NAALADL2: variants seen among roughly 807,000 people sequenced by gnomAD.
The protein encoded by NAALADL2 is N-acetylated alpha-linked acidic dipeptidase like 2.
In NAALADL2, 76 loss-of-function variants were observed where a neutral mutation model predicts 87.2. That is an observed-to-expected ratio of 0.87 (90% CI 0.72 to 1.05). NAALADL2 has a LOEUF of 1.05. Among genes scored for constraint, NAALADL2 ranks in the 50% least tolerant of loss-of-function variants. The pLI is 0.00. For synonymous variants in NAALADL2, 354 were observed against 331.0 expected, an observed-to-expected ratio of 1.07 and a Z score of -0.75; for missense variants, 1,089 against 945.8, an observed-to-expected ratio of 1.15 and a Z score of -1.99.
chr3:175,488,592 TCACA>T (rs1727634887), intron 9 of NAALADL2, among the ~76,000 whole-genome samples: 2 of 152,196 alleles, frequency 1.3e-5, no homozygotes, highest in Admixed American at 1.3e-4. Context: ...TTTTCCCCCC[TCACA>T]TGTTCTAATT....
At chr3:175,613,668 C>T (rs79550264) in intron 10 of NAALADL2, among the ~76,000 whole-genome samples, 321 of 152,222 alleles carry the variant, frequency 2.1e-3, no homozygotes, top group African/African-American at 7.6e-3. Flanking sequence ...TGGTTAAGAG[C>T]ACAGATAATG....
At chr3:175,356,248 T>C (rs1280844927) in intron 5 of NAALADL2, among the ~76,000 whole-genome samples, 1 of 151,956 alleles carries the variant, frequency 6.6e-6, no homozygotes, top group African/African-American at 2.4e-5. Context: ...TGATAGATAG[T>C]AGAATTTTAA....
At chr3:174,674,841 T>C (rs1049413603) in intron 2 of NAALADL2, among the ~76,000 whole-genome samples, 2 of 152,120 alleles carry the variant, frequency 1.3e-5, no homozygotes, top group Non-Finnish European at 1.5e-5. Context: ...TATTTAGGCT[T>C]ATAACTGACT....
chr3:174,816,240 TTCTC>T (rs1230674396), intron 3 of NAALADL2, among the ~76,000 whole-genome samples: 1 of 151,800 alleles, frequency 6.6e-6, no homozygotes, highest in East Asian at 1.9e-4. Flanking sequence ...CTCCTCTGCC[TTCTC>T]TCTCTTTTAT....
At chr3:174,750,401 T>C (rs1734704114) in intron 3 of NAALADL2, among the ~76,000 whole-genome samples, 1 of 142,402 alleles carries the variant, frequency 7.0e-6, no homozygotes, top group Non-Finnish European at 1.5e-5. Flanking sequence ...TTCATTTCCA[T>C]TCTTCTTCTT....
At chr3:175,425,493 T>A (rs188674332) in intron 5 of NAALADL2, among the ~76,000 whole-genome samples, 4 of 152,140 alleles carry the variant, frequency 2.6e-5, no homozygotes, top group Admixed American at 2.0e-4. Context: ...AAATAATAGG[T>A]TTACCCAGGA....
chr3:175,734,592 C>T (rs1744247537), intron 11 of NAALADL2, among the ~76,000 whole-genome samples: 1 of 152,074 alleles, frequency 6.6e-6, no homozygotes, highest in East Asian at 1.9e-4. Flanking sequence ...GGCAGAGGTT[C>T]CAAACCACAA....
chr3:174,489,203 C>CT lies in NAALADL2; in HGVS notation c.-184+48176dup, dbSNP rs377442388. On this transcript the variant is annotated intron_variant, in intron 1 of 3. Coordinates refer to the NAALADL2 transcript ENST00000434257. The stretch of plus-strand genomic sequence containing the variant: ...TTAAACTCAGATTTATGGTGAGTTG[C>CT]TTTTTGACAATGGTGCCAAAACAAT... Among the ~76,000 whole-genome samples the CT allele has an allele frequency of 1.8e-3, 267 of 152,074 alleles. 1 individual carries two copies. The highest frequency in any genetic ancestry group is 6.2e-3 in the African/African-American group (259 of 41,522).
intron 10 of NAALADL2, among the ~76,000 whole-genome samples, chr3:175,599,094 A>G (rs1340897901): frequency 2.0e-5 from 3 of 152,172 alleles, no homozygotes; most frequent in Non-Finnish European, 4.4e-5. Context: ...ATAACATATT[A>G]GCAAACCTAG....
intron 1 of NAALADL2, among the ~76,000 whole-genome samples, chr3:174,531,530 T>C (rs1415939283): frequency 6.6e-6 from 1 of 152,212 alleles, no homozygotes; most frequent in Non-Finnish European, 1.5e-5. Flanking sequence ...CAAAGTTCAC[T>C]GAGAGTCAAT....
rs114054694 is a variant in NAALADL2, at chr3:174,693,041, G to A, written c.-114-44600G>A. Among the ~76,000 whole-genome samples, 595 of 151,778 alleles carry A rather than the reference G, an allele frequency of 3.9e-3. 1 individual carries two copies. The highest frequency in any genetic ancestry group is 0.014 in the African/African-American group (569 of 41,442). On this transcript the variant is annotated intron_variant, in intron 2 of 3. Transcript: ENST00000434257. ...AATTCCTCTGTATCACTTTAAGTCT[G>A]TGATCAAAGTAGAAGTCTAAGTTCA...
intron 13 of NAALADL2, among the ~76,000 whole-genome samples, chr3:175,762,859 C>A (rs941537429): frequency 6.6e-6 from 1 of 152,036 alleles, no homozygotes. Flanking sequence ...CCGAGGCAGG[C>A]GGATCACGAG....
chr3:174,987,764 C>G (rs979791155), intron 1 of NAALADL2, among the ~76,000 whole-genome samples: 1 of 139,100 alleles, frequency 7.2e-6, no homozygotes, highest in Admixed American at 7.0e-5. Flanking sequence ...GTAGCTAGGA[C>G]CCCAGGCATG....
chr3:175,195,107 A>G (rs1421386767), intron 2 of NAALADL2, among the ~76,000 whole-genome samples: 1 of 151,606 alleles, frequency 6.6e-6, no homozygotes, highest in Non-Finnish European at 1.5e-5. Context: ...TCCACATGGA[A>G]CTATCATTTA....
intron 1 of NAALADL2, among the ~76,000 whole-genome samples, chr3:174,885,000 G>A (rs12486831): frequency 0.16 from 24,386 of 152,120 alleles, 2,296 homozygotes; most frequent in East Asian, 0.3. Flanking sequence ...CTCAGTCAAA[G>A]GTGGAAAGGC....
intron 1 of NAALADL2, among the ~76,000 whole-genome samples, chr3:174,500,724 T>A (rs1407640378): frequency 6.6e-6 from 1 of 152,172 alleles, no homozygotes; most frequent in Non-Finnish European, 1.5e-5. Context: ...ATTGAAATGA[T>A]CATGTTTTTT....
chr3:175,789,935 A>ATGGAT (rs1216491234), intron 13 of NAALADL2, among the ~76,000 whole-genome samples: 5 of 152,182 alleles, frequency 3.3e-5, no homozygotes, highest in African/African-American at 1.2e-4. Context: ...TAAATTAATA[A>ATGGAT]TGGATTGGGC....
intron 2 of NAALADL2, among the ~76,000 whole-genome samples, chr3:175,106,132 G>A (rs1580475172): frequency 6.6e-6 from 1 of 151,968 alleles, no homozygotes; most frequent in Non-Finnish European, 1.5e-5. Context: ...TATCCATTTG[G>A]TTACAAACTG....
intron 1 of NAALADL2, among the ~76,000 whole-genome samples, chr3:174,532,394 A>G (rs1721327487): frequency 6.6e-6 from 1 of 152,152 alleles, no homozygotes; most frequent in East Asian, 1.9e-4. Context: ...ATCACTATTG[A>G]GAGGTCAGTC....
Sources: allele counts gnomAD v4.1 joint callset (sites outside exome capture counted in the v4.1 genomes callset), GRCh38; gene constraint gnomAD v4.1.1; transcripts MANE v1.5; gene names NCBI Gene and HGNC (gene_info 2026-07-23, HGNC 2026-07-21).